Variants in JAZF1 observed in about 807,000 individuals in gnomAD.
JAZF1 encodes the protein juxtaposed with another zinc finger protein 1.
A neutral mutation model predicts 26.4 loss-of-function variants in JAZF1; 8 were observed. The observed-to-expected ratio is 0.30, with a 90% CI of 0.18 to 0.55. The LOEUF (loss-of-function observed/expected upper bound fraction) is 0.55, where lower values mean the gene tolerates loss of function less well. JAZF1 is among the 20% of genes least tolerant of loss of function. JAZF1 has a pLI of 0.94. For synonymous variants in JAZF1, 126 were observed against 122.3 expected (o/e 1.03, Z -0.20); for missense variants, 199 against 322.0 (o/e 0.62, Z 2.92).
rs143243656 is a variant in JAZF1 at position 27,988,526 on chromosome 7, C to G, written c.188+3383G>C. 3.2e-3 allele frequency among the ~76,000 whole-genome samples: 493 copies of G among 152,232 alleles called. 5 individuals are homozygous for G. The highest frequency in any genetic ancestry group is 0.011 in the African/African-American group (470 of 41,528). On this transcript the variant is annotated intron_variant, in intron 2 of 4. Transcript: ENST00000283928. ...GTGTAGCTGGGGATACAGGTGTACA[C>G]TACCAAACCTGGCCAAAACTTTTAA...
At chr7:27,869,748 A>C (rs1048653166) in intron 3 of JAZF1, among the ~76,000 whole-genome samples, 10 of 152,180 alleles carry the variant, frequency 6.6e-5, no homozygotes, top group African/African-American at 2.4e-4. Context: ...AAAAGACACT[A>C]TCTCTCTGTC....
chr7:27,970,192 G>A (rs1371898604), intron 2 of JAZF1, among the ~76,000 whole-genome samples: 1 of 152,126 alleles, frequency 6.6e-6, no homozygotes, highest in East Asian at 1.9e-4. Context: ...TACCACACAG[G>A]GCAGTGTGAT....
At chr7:28,036,599 T>C (rs542883370) in intron 1 of JAZF1, among the ~76,000 whole-genome samples, 4 of 152,274 alleles carry the variant, frequency 2.6e-5, no homozygotes, top group Admixed American at 6.5e-5. Context: ...TGGAGGACAT[T>C]TGGGCTTCCT....
intron 1 of JAZF1, among the ~76,000 whole-genome samples, chr7:28,003,547 T>C (rs1782642568): frequency 1.3e-5 from 2 of 152,110 alleles, no homozygotes; most frequent in Non-Finnish European, 2.9e-5. Flanking sequence ...AAGTGAAAAA[T>C]GAGTGTGCGC....
At chr7:28,156,963 AC>A (rs1280925309) in intron 1 of JAZF1, among the ~76,000 whole-genome samples, 5 of 152,236 alleles carry the variant, frequency 3.3e-5, no homozygotes, top group African/African-American at 1.2e-4. Flanking sequence ...CGGACTCCAT[AC>A]TACGTATAAA....
intron 2 of JAZF1, among the ~76,000 whole-genome samples, chr7:27,983,217 T>C (rs554039622): frequency 1.3e-5 from 2 of 152,258 alleles, no homozygotes; most frequent in South Asian, 2.1e-4. Context: ...ATCAGACTAA[T>C]GGCTAACTAG....
chr7:28,001,917 A>G (rs1259333074), intron 1 of JAZF1, among the ~76,000 whole-genome samples: 1 of 152,216 alleles, frequency 6.6e-6, no homozygotes, highest in African/African-American at 2.4e-5. Context: ...TCATTACAAA[A>G]ACAAAGAAGT....
chr7:28,078,088 T>C (rs1449652455), intron 1 of JAZF1, among the ~76,000 whole-genome samples: 3 of 152,204 alleles, frequency 2.0e-5, no homozygotes, highest in Admixed American at 1.3e-4. Flanking sequence ...CACAAGATGC[T>C]GTGTTAGATG....
intron 2 of JAZF1, among the ~76,000 whole-genome samples, chr7:27,900,717 T>G (rs1430498396): frequency 3.3e-5 from 5 of 152,216 alleles, no homozygotes; most frequent in African/African-American, 4.8e-5. Flanking sequence ...TTTTTAAAAT[T>G]GTAAAAAGTA....
At chr7:27,895,498 G>T in intron 2 of JAZF1, 82 bp from the exon 3 acceptor site, 1 of 1,024,574 alleles carries the variant, frequency 9.8e-7, no homozygotes. Context: ...TTTCAGACAT[G>T]CACGACCCTG....
intron 1 of JAZF1, among the ~76,000 whole-genome samples, chr7:28,091,122 G>A (rs527522161): frequency 2.0e-4 from 31 of 151,982 alleles, no homozygotes; most frequent in East Asian, 1.9e-3. Flanking sequence ...CACCGCGCCC[G>A]GCCTTTTTTT....
At chr7:28,020,448 C>T (rs73302906) in intron 1 of JAZF1, 8 of 382,000 alleles carry the variant, frequency 2.1e-5, no homozygotes, top group Non-Finnish European at 2.7e-5. Context: ...GGAGAGCCAG[C>T]GCCTCCACGG....
intron 1 of JAZF1, among the ~76,000 whole-genome samples, chr7:28,099,101 A>C (rs991883326): frequency 6.6e-6 from 1 of 152,230 alleles, no homozygotes; most frequent in Non-Finnish European, 1.5e-5. Context: ...ATGTTAGCCA[A>C]TGTGACTTAG....
chr7:28,130,275 G>A (rs1782768982), intron 1 of JAZF1, among the ~76,000 whole-genome samples: 1 of 151,984 alleles, frequency 6.6e-6, no homozygotes. Context: ...TCCAAAGGGA[G>A]CTAAAAGACT....
chr7:28,158,196 G>GAGAT (rs1783222733), intron 1 of JAZF1, among the ~76,000 whole-genome samples: 2 of 148,824 alleles, frequency 1.3e-5, no homozygotes, highest in Non-Finnish European at 3.0e-5. Flanking sequence ...CAGAGAGAGA[G>GAGAT]AGAGAGAGGG....
chr7:27,902,820 T>A lies in JAZF1; in HGVS notation c.189-7404A>T, dbSNP rs182351952. Among the ~76,000 whole-genome samples, 6 of 152,028 alleles carry A rather than the reference T, an allele frequency of 3.9e-5. No individual in the cohort carries two copies. The East Asian group carries it at 1.2e-3, about 30-fold the overall frequency. On this transcript the variant is annotated intron_variant, in intron 2 of 4. Coordinates refer to ENST00000283928, the MANE Select transcript of JAZF1 (RefSeq NM_175061.4). Reference sequence around the variant, plus strand: ...TCACAAGGTCAGGAGATCGAGACCATCTTGGCTAACACAGTGAAACCCCAT... The same window carrying A: ...TCACAAGGTCAGGAGATCGAGACCAACTTGGCTAACACAGTGAAACCCCAT...
intron 1 of JAZF1, among the ~76,000 whole-genome samples, chr7:28,048,095 T>C (rs1417089210): frequency 6.6e-6 from 1 of 152,150 alleles, no homozygotes; most frequent in Admixed American, 6.5e-5. Flanking sequence ...GAATGAACGG[T>C]GCATGGATGG....
intron 1 of JAZF1, among the ~76,000 whole-genome samples, chr7:28,027,972 G>A (rs763086075): frequency 2.6e-5 from 4 of 152,146 alleles, no homozygotes; most frequent in African/African-American, 9.7e-5. Flanking sequence ...TTTCTGAATA[G>A]AGCCTATTAC....
chr7:28,000,040 C>G (rs996915852), intron 1 of JAZF1, among the ~76,000 whole-genome samples: 2 of 152,018 alleles, frequency 1.3e-5, no homozygotes, highest in Non-Finnish European at 2.9e-5. Flanking sequence ...GTGAGCGTAG[C>G]GAATCATTCA....
Sources: allele counts gnomAD v4.1 joint callset (sites outside exome capture counted in the v4.1 genomes callset), GRCh38; gene constraint gnomAD v4.1.1; transcripts MANE v1.5; gene names NCBI Gene and HGNC (gene_info 2026-07-23, HGNC 2026-07-21).